Variants in CTNNA3 observed in about 807,000 individuals in gnomAD.
CTNNA3 encodes catenin alpha-3.
CTNNA3 carries 76 observed loss-of-function variants against 95.7 expected under a neutral mutation model. The ratio of observed to expected loss-of-function variants is 0.79; its 90% CI spans 0.66 to 0.96. CTNNA3 has a LOEUF of 0.96. Ranked by LOEUF, CTNNA3 falls within the 40% of genes least tolerant of loss-of-function variation. CTNNA3 has a pLI of 0.00. For missense variants in CTNNA3, 1,191 were observed against 1,089.8 expected (o/e 1.09, Z -1.31); for synonymous variants, 431 against 374.4 (o/e 1.15, Z -1.74).
At position 66,264,719 on chromosome 10, in the gene CTNNA3, G is replaced by A. The variant is rs76011528; in HGVS notation, c.1884+15751C>T. On this transcript the variant is annotated intron_variant, in intron 13 of 17. Transcript: ENST00000433211. The stretch of plus-strand genomic sequence containing the variant: ...TCGGACAGTGCAGCTCTAGTATATG[G>A]CAACATTACCTGTTGCCTGGAGAAA... 2.1e-3 allele frequency among the ~76,000 whole-genome samples: 325 copies of A among 151,972 alleles called. 2 individuals carry two copies. In the East Asian group the frequency reaches 0.043, roughly 20 times the overall value.
chr10:67,043,574 T>C lies in CTNNA3; in HGVS notation c.1047+136743A>G, dbSNP rs969715246. ...TGTAACACTCTGAATCTCACATCTT[T>C]CCTCAGTCATTGATGTGCTGATCGT... On this transcript the variant is annotated intron_variant, in intron 7 of 17. Coordinates refer to ENST00000433211, the MANE Select transcript of CTNNA3 (RefSeq NM_013266.4). Among the ~76,000 whole-genome samples the C allele has an allele frequency of 2.0e-5, 3 of 152,274 alleles. No homozygotes were observed. In the East Asian group the frequency reaches 5.8e-4, roughly 29 times the overall value.
chr10:66,469,892 G>C (rs1350646933), intron 11 of CTNNA3, among the ~76,000 whole-genome samples: 1 of 151,698 alleles, frequency 6.6e-6, no homozygotes, highest in Non-Finnish European at 1.5e-5. Flanking sequence ...CAGGAAGAGA[G>C]GAAATGAGGG....
rs1862476122 is a variant in CTNNA3 at position 67,180,444 on chromosome 10, A to T, written c.920T>A (p.Ile307Asn). 1 of 1,613,766 alleles carries T rather than the reference A, an allele frequency of 6.2e-7. No individual in the cohort carries two copies. The highest frequency in any genetic ancestry group is 8.5e-7 in the Non-Finnish European group (1 of 1,179,876). ...RPSLEKRLEA[I>N]ISGAALLADS... is the part of the protein sequence containing the mutation. Reference sequence around the variant, plus strand: ...CGCCAGCAGAGCAGCCCCACTGATAATGGCTTCAAGGCGTTTCTCTAGTGA... The same window carrying T: ...CGCCAGCAGAGCAGCCCCACTGATATTGGCTTCAAGGCGTTTCTCTAGTGA... Residue 307 changes from isoleucine (I) to asparagine (N), a missense_variant, in exon 7 of 18, where the codon ATT becomes AAT. By Grantham distance (149) the Ile-to-Asn change is moderately radical. Transcript: ENST00000433211.
intron 7 of CTNNA3, among the ~76,000 whole-genome samples, chr10:66,839,257 T>C (rs1274428646): frequency 2.6e-5 from 4 of 152,154 alleles, no homozygotes. Context: ...CACTGCTGAT[T>C]ACCTACTTGA....
At chr10:66,980,967 T>G (rs1271852111) in intron 7 of CTNNA3, among the ~76,000 whole-genome samples, 8 of 152,094 alleles carry the variant, frequency 5.3e-5, no homozygotes, top group Non-Finnish European at 8.8e-5. Flanking sequence ...AGTGCGATGG[T>G]GTGATTTCGG....
chr10:66,862,226 AC>A (rs1312699163), intron 7 of CTNNA3, among the ~76,000 whole-genome samples: 1 of 152,138 alleles, frequency 6.6e-6, no homozygotes, highest in African/African-American at 2.4e-5. Context: ...AAAGAAAAAA[AC>A]AAAAAGAAGT....
Position 66,952,924 on chromosome 10 carries a change from G to T in CTNNA3, c.1048-177400C>A, listed in dbSNP as rs371038825. On this transcript the variant is annotated intron_variant, in intron 7 of 17. Coordinates refer to ENST00000433211, the MANE Select transcript of CTNNA3 (RefSeq NM_013266.4). ...AAGCCAGCACAGTAGTGTTACAGCC[G>T]TTCAGAATGCAAGGTATCCTTTGAA... 5.3e-5 allele frequency among the ~76,000 whole-genome samples: 8 copies of T among 152,072 alleles called. 1 individual carries two copies. Among genetic ancestry groups the T allele is most frequent in the African/African-American group, 1.9e-4 (8 of 41,494 alleles).
intron 7 of CTNNA3, among the ~76,000 whole-genome samples, chr10:66,993,744 T>C (rs904444785): frequency 1.3e-5 from 2 of 151,970 alleles, no homozygotes; most frequent in African/African-American, 4.8e-5. Context: ...GAGCCTGTAT[T>C]TCGGATTATG....
At chr10:65,924,933 C>T (rs1316223716) in intron 17 of CTNNA3, among the ~76,000 whole-genome samples, 1 of 152,148 alleles carries the variant, frequency 6.6e-6, no homozygotes, top group African/African-American at 2.4e-5. Flanking sequence ...TCCTGTGAGA[C>T]TTATTCACCA....
intron 13 of CTNNA3, among the ~76,000 whole-genome samples, chr10:66,274,936 T>C (rs530642453): frequency 6.6e-6 from 1 of 152,286 alleles, no homozygotes; most frequent in African/African-American, 2.4e-5. Context: ...TTTCAGAGTA[T>C]AGATATTATA....
intron 13 of CTNNA3, among the ~76,000 whole-genome samples, chr10:66,280,148 C>T (rs976381249): frequency 6.6e-6 from 1 of 151,960 alleles, no homozygotes; most frequent in Non-Finnish European, 1.5e-5. Flanking sequence ...AATAAAAAAG[C>T]AAATTACTTT....
At chr10:67,657,228 G>A (rs1037640390) in intron 1 of CTNNA3, among the ~76,000 whole-genome samples, 1 of 152,194 alleles carries the variant, frequency 6.6e-6, no homozygotes, top group Non-Finnish European at 1.5e-5. Flanking sequence ...GCTGCAAGAG[G>A]AGCAGGAAGA....
At chr10:67,349,501 T>G (rs541844898) in intron 5 of CTNNA3, among the ~76,000 whole-genome samples, 1 of 152,176 alleles carries the variant, frequency 6.6e-6, no homozygotes, top group East Asian at 1.9e-4. Flanking sequence ...CGAAAATAGT[T>G]AAATTCATAG....
intron 15 of CTNNA3, among the ~76,000 whole-genome samples, chr10:66,035,285 A>G (rs1240280302): frequency 6.6e-6 from 1 of 152,176 alleles, no homozygotes; most frequent in Non-Finnish European, 1.5e-5. Context: ...CATTCCAGGG[A>G]ATAGTAGTAT....
intron 11 of CTNNA3, among the ~76,000 whole-genome samples, chr10:66,500,208 T>G (rs1442458402): frequency 6.6e-6 from 1 of 152,092 alleles, no homozygotes; most frequent in Non-Finnish European, 1.5e-5. Context: ...AATTCAGCTA[T>G]TCAAACCAAA....
At chr10:66,232,834 T>C (rs1484159725) in intron 13 of CTNNA3, among the ~76,000 whole-genome samples, 1 of 152,128 alleles carries the variant, frequency 6.6e-6, no homozygotes, top group African/African-American at 2.4e-5. Flanking sequence ...AAATTGTATC[T>C]TAACTTTTAC....
At chr10:66,388,069 A>G (rs1318996660) in intron 11 of CTNNA3, among the ~76,000 whole-genome samples, 4 of 152,174 alleles carry the variant, frequency 2.6e-5, no homozygotes, top group African/African-American at 9.7e-5. Flanking sequence ...TGTTGTGCAC[A>G]TGTACCCTAG....
At chr10:67,025,135 C>CA (rs1173565397) in intron 7 of CTNNA3, among the ~76,000 whole-genome samples, 21 of 28,832 alleles carry the variant, frequency 7.3e-4, no homozygotes, top group Admixed American at 1.7e-3. Context: ...CTGTCAAAAA[C>CA]AAAAAAAAAA....
intron 4 of CTNNA3, among the ~76,000 whole-genome samples, chr10:67,530,745 G>C (rs758855711): frequency 1.2e-4 from 18 of 152,284 alleles, no homozygotes; most frequent in Non-Finnish European, 2.2e-4. Context: ...CAAGACAATG[G>C]GGAAAATGTC....
Sources: gnomAD v4.1 joint callset for allele counts (sites outside exome capture counted in the v4.1 genomes callset) on GRCh38, gnomAD v4.1.1 for gene constraint, MANE v1.5 for transcripts, NCBI Gene and HGNC (gene_info 2026-07-23, HGNC 2026-07-21) for gene names.